Variants in HEMK2 observed in about 807,000 individuals in gnomAD.
HEMK2 encodes the protein methyltransferase HEMK2.
the HEMK2 span, among the ~76,000 whole-genome samples, chr21:28,596,547 G>A: frequency 6.6e-6 from 1 of 152,130 alleles, no homozygotes; most frequent in Non-Finnish European, 1.5e-5. Context: ...CAGTGAAAGA[G>A]CTCCCAGTAA....
the HEMK2 span, among the ~76,000 whole-genome samples, chr21:28,857,665 C>T: frequency 2.6e-5 from 4 of 152,126 alleles, no homozygotes; most frequent in Non-Finnish European, 5.9e-5. Context: ...TTACATTTAA[C>T]CTTGTCTGTT....
the HEMK2 span, among the ~76,000 whole-genome samples, chr21:28,715,477 T>G: frequency 6.6e-6 from 1 of 152,176 alleles, no homozygotes; most frequent in Admixed American, 6.6e-5. Flanking sequence ...CTTTGCCCAC[T>G]TTTTAATAGG....
At chr21:28,635,908 AT>A in the HEMK2 span, among the ~76,000 whole-genome samples, 27 of 152,228 alleles carry the variant, frequency 1.8e-4, no homozygotes, top group South Asian at 5.6e-3. Context: ...GGAATAGAAT[AT>A]TTTATTTCAT....
At chr21:28,797,968 T>C in the HEMK2 span, among the ~76,000 whole-genome samples, 1 of 152,184 alleles carries the variant, frequency 6.6e-6, no homozygotes, top group Non-Finnish European at 1.5e-5. Context: ...CCAAACATTC[T>C]TCCCTCATGC....
chr21:28,668,049 TGA>T, the HEMK2 span, among the ~76,000 whole-genome samples: 1 of 152,314 alleles, frequency 6.6e-6, no homozygotes, highest in African/African-American at 2.4e-5. Flanking sequence ...AGAACAATCC[TGA>T]GAGTGTTCTA....
the HEMK2 span, among the ~76,000 whole-genome samples, chr21:28,605,752 TA>T: frequency 6.6e-6 from 1 of 152,344 alleles, no homozygotes; most frequent in South Asian, 2.1e-4. Context: ...TGTATATGTG[TA>T]TATCAAGTAT....
At chr21:28,636,921 C>T in the HEMK2 span, among the ~76,000 whole-genome samples, 1 of 152,090 alleles carries the variant, frequency 6.6e-6, no homozygotes, top group Non-Finnish European at 1.5e-5. Flanking sequence ...ATCATTTTTG[C>T]TTAGAAGCCA....
chr21:28,655,530 G>A, the HEMK2 span, among the ~76,000 whole-genome samples: 1 of 152,080 alleles, frequency 6.6e-6, no homozygotes, highest in Non-Finnish European at 1.5e-5. Context: ...AGCTCAGACT[G>A]GTGGGTAAAA....
chr21:28,588,373 C>T, the HEMK2 span, among the ~76,000 whole-genome samples: 1 of 152,184 alleles, frequency 6.6e-6, no homozygotes, highest in East Asian at 1.9e-4. Context: ...ATGGTTTATT[C>T]CATAACAGCT....
At chr21:28,803,002 G>A in the HEMK2 span, among the ~76,000 whole-genome samples, 2 of 152,176 alleles carry the variant, frequency 1.3e-5, no homozygotes, top group Non-Finnish European at 2.9e-5. Context: ...AGAACTTCAA[G>A]ATGGCAGCAG....
the HEMK2 span, among the ~76,000 whole-genome samples, chr21:28,826,378 G>A: frequency 6.6e-6 from 1 of 152,154 alleles, no homozygotes; most frequent in Non-Finnish European, 1.5e-5. Context: ...AGTTCAAAAT[G>A]ACTAAAACAC....
chr21:28,676,093 A>C, the HEMK2 span, among the ~76,000 whole-genome samples: 1 of 152,242 alleles, frequency 6.6e-6, no homozygotes, highest in Non-Finnish European at 1.5e-5. Context: ...CTAGCAAGGT[A>C]GAATTTGAAG....
the HEMK2 span, among the ~76,000 whole-genome samples, chr21:28,599,165 T>C: frequency 1.1e-4 from 16 of 152,196 alleles, no homozygotes; most frequent in African/African-American, 3.9e-4. Context: ...TGCAAGCAAA[T>C]AGAGGAAAAC....
At chr21:28,651,422 G>A in the HEMK2 span, among the ~76,000 whole-genome samples, 1 of 152,184 alleles carries the variant, frequency 6.6e-6, no homozygotes, top group Non-Finnish European at 1.5e-5. Context: ...AAATAAATGT[G>A]ATGGTAGTTT....
the HEMK2 span, among the ~76,000 whole-genome samples, chr21:28,600,001 C>T: frequency 1.3e-5 from 2 of 152,222 alleles, no homozygotes; most frequent in African/African-American, 4.8e-5. Flanking sequence ...TGTGGCTTTG[C>T]AGTGTACAGC....
At chr21:28,726,097 T>C in the HEMK2 span, among the ~76,000 whole-genome samples, 1 of 152,170 alleles carries the variant, frequency 6.6e-6, no homozygotes, top group Admixed American at 6.5e-5. Context: ...TACAATAATA[T>C]ACTTGAAATA....
chr21:28,754,699 G>C, the HEMK2 span, among the ~76,000 whole-genome samples: 3 of 151,952 alleles, frequency 2.0e-5, no homozygotes, highest in African/African-American at 7.3e-5. Flanking sequence ...TCTCTCCTTT[G>C]TAAACATTTA....
At chr21:28,716,434 T>C in the HEMK2 span, among the ~76,000 whole-genome samples, 1 of 152,218 alleles carries the variant, frequency 6.6e-6, no homozygotes, top group Non-Finnish European at 1.5e-5. Context: ...GCTCTCAGCT[T>C]GAACACTATT....
At chr21:28,815,905 T>G in the HEMK2 span, among the ~76,000 whole-genome samples, 1 of 138,676 alleles carries the variant, frequency 7.2e-6, no homozygotes, top group Non-Finnish European at 1.6e-5. Flanking sequence ...CTGTAACCCC[T>G]AGTACCTCAA....
Sources: gnomAD v4.1 joint callset for allele counts (sites outside exome capture counted in the v4.1 genomes callset) on GRCh38, gnomAD v4.1.1 for gene constraint, MANE v1.5 for transcripts, NCBI Gene and HGNC (gene_info 2026-07-23, HGNC 2026-07-21) for gene names.